The following N4BP2L1 variants were observed in gnomAD, a reference collection of about 807,000 sequenced individuals.
N4BP2L1 encodes NEDD4-binding protein 2-like 1.
N4BP2L1 carries 12 observed loss-of-function variants against 21.2 expected under a neutral mutation model. The ratio of observed to expected loss-of-function variants is 0.57; its 90% CI spans 0.36 to 0.92. The LOEUF (loss-of-function observed/expected upper bound fraction) is 0.92. Among genes scored for constraint, N4BP2L1 ranks in the 40% least tolerant of loss-of-function variants. N4BP2L1 has a pLI of 0.01. For missense variants in N4BP2L1, 259 were observed against 310.6 expected (o/e 0.83, Z 1.25); for synonymous variants, 104 against 112.8 (o/e 0.92, Z 0.49).
rs2073222098 is a variant in N4BP2L1, at chr13:32,402,839, A to G, written c.*103T>C. The G allele has an allele frequency of 2.0e-6, 3 of 1,480,620 alleles. No homozygotes were observed. The highest frequency in any genetic ancestry group is 4.7e-5 in the East Asian group (2 of 42,904). 91.7% of individuals were successfully genotyped at this position (1,480,620 alleles called of 1,614,324 possible). A position where few individuals can be genotyped will look rare whatever the true frequency, so the allele number is the denominator to read the frequency against. ...TGCTCAGAAACTTTTGAGTTCAGCT[A>G]TTTACACTGGAATTGGAGCTCTGAC... On this transcript the variant is annotated 3_prime_UTR_variant, in exon 5 of 5. Transcript: ENST00000380130.
chr13:32,406,051 T>C (rs12862064), intron 3 of N4BP2L1, among the ~76,000 whole-genome samples: 6 of 151,126 alleles, frequency 4.0e-5, no homozygotes, highest in East Asian at 2.0e-4. Flanking sequence ...TACAGGCGCC[T>C]GCCACCACGC....
At chr13:32,404,271 C>G in intron 4 of N4BP2L1, 50 bp downstream of exon 4, 1 of 1,585,860 alleles carries the variant, frequency 6.3e-7, no homozygotes, top group African/African-American at 1.3e-5. Flanking sequence ...GTCTGAAATA[C>G]CTGAAAATAG....
At chr13:32,417,381 A>G (rs2074208075) in intron 1 of N4BP2L1, among the ~76,000 whole-genome samples, 1 of 152,132 alleles carries the variant, frequency 6.6e-6, no homozygotes, top group African/African-American at 2.4e-5. Context: ...TGGTTTTATA[A>G]GGGGCTTTTT....
chr13:32,402,007 C>T lies in N4BP2L1; in HGVS notation c.*935G>A, dbSNP rs2073154945. 4 of 985,422 alleles carry T rather than the reference C, an allele frequency of 4.1e-6. No individual in the cohort carries two copies. The highest frequency in any genetic ancestry group is 4.8e-6 in the Non-Finnish European group (4 of 829,906). 61.0% of individuals were successfully genotyped at this position (985,422 alleles called of 1,614,324 possible). A position where few individuals can be genotyped will look rare whatever the true frequency, so the allele number is the denominator to read the frequency against. ...AATGCCACATAAAACATCAACTGCT[C>T]ATTTTGTAATGAGCATGGCTTTTAT... On this transcript the variant is annotated 3_prime_UTR_variant, in exon 5 of 5. Transcript: ENST00000380130.
intron 1 of N4BP2L1, among the ~76,000 whole-genome samples, chr13:32,409,663 G>T (rs760928202): frequency 1.3e-5 from 2 of 152,204 alleles, no homozygotes; most frequent in Non-Finnish European, 2.9e-5. Context: ...CCAGCAAAGC[G>T]CTGAGAGAAA....
At chr13:32,418,080 A>G (rs898933404) in intron 1 of N4BP2L1, among the ~76,000 whole-genome samples, 3 of 152,358 alleles carry the variant, frequency 2.0e-5, no homozygotes, top group East Asian at 1.9e-4. Context: ...CCAAATGTTA[A>G]TCACCAAGAC....
rs542448242 is a variant in N4BP2L1 at position 32,420,681 on chromosome 13, T to A, written c.179+7223A>T. ...CCCCTTGTCTGTCCTCCATATCCCA[T>A]TCATTCTTTTTTATTTATTTTATTT... On this transcript the variant is annotated intron_variant, in intron 1 of 4. Coordinates refer to ENST00000380130, the MANE Select transcript of N4BP2L1 (RefSeq NM_052818.3). 5 of 152,286 alleles carry A rather than the reference T, an allele frequency of 3.3e-5. No individual in the cohort carries two copies. The East Asian group carries it at 9.7e-4, about 29-fold the overall frequency. The allele number at this position is 152,286 out of a possible 1,614,324, so 9.4% of individuals were successfully genotyped here. A position where few individuals can be genotyped will look rare whatever the true frequency, so the allele number is the denominator to read the frequency against.
intron 1 of N4BP2L1, among the ~76,000 whole-genome samples, chr13:32,418,339 G>T (rs1323491468): frequency 6.6e-6 from 1 of 152,246 alleles, no homozygotes; most frequent in Admixed American, 6.5e-5. Flanking sequence ...CTGCCACATG[G>T]TGTTGGGCCT....
At chr13:32,423,863 T>C (rs1287969192) in intron 1 of N4BP2L1, among the ~76,000 whole-genome samples, 3 of 152,222 alleles carry the variant, frequency 2.0e-5, no homozygotes, top group African/African-American at 7.2e-5. Flanking sequence ...GTGGTAATGG[T>C]TGTACAACAT....
At chr13:32,427,139 G>A (rs938488167) in intron 1 of N4BP2L1, among the ~76,000 whole-genome samples, 1 of 152,246 alleles carries the variant, frequency 6.6e-6, no homozygotes, top group African/African-American at 2.4e-5. Flanking sequence ...GTTGGGTACC[G>A]GAGGGCCGCT....
At chr13:32,422,195 C>CA (rs11415560) in intron 1 of N4BP2L1, among the ~76,000 whole-genome samples, 111,123 of 152,016 alleles carry the variant, frequency 0.73, 41,661 homozygotes, top group African/African-American at 0.89. Context: ...ATATTGACAA[C>CA]AAAAAATGTA....
chr13:32,415,917 A>G (rs1188269100), intron 1 of N4BP2L1: 2 of 152,168 alleles, frequency 1.3e-5, no homozygotes, highest in African/African-American at 4.8e-5. Flanking sequence ...CACCGCCTAA[A>G]TTAACATACG....
intron 1 of N4BP2L1, chr13:32,411,584 G>A: frequency 1.0e-6 from 1 of 985,108 alleles, no homozygotes; most frequent in South Asian, 4.7e-5. Context: ...CTTTATGGTG[G>A]TCAGGAGCCT....
chr13:32,401,960 G>A lies in N4BP2L1; in HGVS notation c.*982C>T. ...CATCAGTATAAGAAGACATTCCAGA[G>A]TTGTGAGGACTTGATTGTCTTAATG... is the stretch of plus-strand genomic sequence containing the variant. On this transcript the variant is annotated 3_prime_UTR_variant, in exon 5 of 5. Transcript: ENST00000380130. 2 of 985,094 alleles carry A rather than the reference G, an allele frequency of 2.0e-6. No individual in the cohort carries two copies. The highest frequency in any genetic ancestry group is 2.4e-6 in the Non-Finnish European group (2 of 829,502). The allele number at this position is 985,094 out of a possible 1,614,324, so 61.0% of individuals were successfully genotyped here.
intron 4 of N4BP2L1, among the ~76,000 whole-genome samples, chr13:32,403,490 T>C (rs755352589): frequency 6.6e-6 from 1 of 152,216 alleles, no homozygotes; most frequent in African/African-American, 2.4e-5. Context: ...AAGAACACCA[T>C]GAGATTTTTA....
chr13:32,415,149 T>C (rs1452478636), intron 1 of N4BP2L1, among the ~76,000 whole-genome samples: 1 of 152,176 alleles, frequency 6.6e-6, no homozygotes, highest in African/African-American at 2.4e-5. Context: ...ATGATCAACA[T>C]GGACCCAGGA....
At chr13:32,424,364 CT>C (rs2074648957) in intron 1 of N4BP2L1, among the ~76,000 whole-genome samples, 1 of 152,212 alleles carries the variant, frequency 6.6e-6, no homozygotes, top group African/African-American at 2.4e-5. Context: ...AAGATCCTTT[CT>C]CCCTAATTAG....
At position 32,405,417 on chromosome 13, in the gene N4BP2L1, C is replaced by T. The variant is rs899345124; in HGVS notation, c.397-1020G>A. Among the ~76,000 whole-genome samples the T allele has an allele frequency of 5.9e-5, 9 of 152,042 alleles. No homozygotes were observed. In the South Asian group the frequency reaches 6.2e-4, roughly 11 times the overall value. ...CCCAGCTGCTGGGGTGGCTGACACA[C>T]GAGAATTGCTTGAATCTAGGAAGCA... is the stretch of plus-strand genomic sequence containing the variant. On this transcript the variant is annotated intron_variant, in intron 3 of 4. Transcript: ENST00000380130.
rs1388321610 is a variant in N4BP2L1 at position 32,407,745 on chromosome 13, G to A, written c.207C>T (p.Ala69=). 2 of 1,601,932 alleles carry A rather than the reference G, an allele frequency of 1.2e-6. No individual in the cohort carries two copies. The highest frequency in any genetic ancestry group is 1.7e-6 in the Non-Finnish European group (2 of 1,175,262). ...AAAAATCATCCGTGCTGAAAATCAG[G>A]GCCCTGGGAAAGTCATGCTGCAATT... ...ARQLQHDFPR[A]LIFSTDDFFF... is the part of the protein sequence containing the mutation. Residue 69 remains alanine (A), a synonymous_variant, in exon 2 of 5, where the codon GCC becomes GCT. Transcript: ENST00000380130.
Sources: allele counts gnomAD v4.1 joint callset (sites outside exome capture counted in the v4.1 genomes callset), GRCh38; gene constraint gnomAD v4.1.1; transcripts MANE v1.5; gene names NCBI Gene and HGNC (gene_info 2026-07-23, HGNC 2026-07-21).